Variants in SLC39A10 observed in about 807,000 individuals in gnomAD.
SLC39A10 encodes the protein zinc transporter ZIP10.
SLC39A10 carries 13 observed loss-of-function variants against 65.1 expected under a neutral mutation model. That is an observed-to-expected ratio of 0.20 (90% CI 0.13 to 0.32). SLC39A10 has a LOEUF of 0.32. Among genes scored for constraint, SLC39A10 ranks in the 10% least tolerant of loss-of-function variants. The probability of loss-of-function intolerance (pLI) is 1.00; values close to 1 mark genes in which losing one functional copy is unlikely to be tolerated. For missense variants in SLC39A10, 831 were observed against 1,018.4 expected (o/e 0.82, Z 2.50); for synonymous variants, 321 against 342.2 (o/e 0.94, Z 0.68).
intron 5 of SLC39A10, among the ~76,000 whole-genome samples, chr2:195,711,415 G>C (rs1188298191): frequency 6.6e-6 from 1 of 152,100 alleles, no homozygotes; most frequent in Non-Finnish European, 1.5e-5. Context: ...TTGAAATTGT[G>C]GGAAGTAAAA....
At chr2:195,651,581 T>C (rs1199105745) in intron 2 of SLC39A10, among the ~76,000 whole-genome samples, 2 of 152,106 alleles carry the variant, frequency 1.3e-5, no homozygotes, top group African/African-American at 2.4e-5. Context: ...ATCAAGCGAT[T>C]CTCCTGCTTC....
intron 4 of SLC39A10, among the ~76,000 whole-genome samples, chr2:195,707,057 T>A (rs1403304559): frequency 6.6e-6 from 1 of 152,200 alleles, no homozygotes; most frequent in Non-Finnish European, 1.5e-5. Context: ...TGGTCTTTTT[T>A]ATCTGTGTAG....
At chr2:195,667,843 T>C (rs1689693353) in intron 1 of SLC39A10, among the ~76,000 whole-genome samples, 1 of 152,180 alleles carries the variant, frequency 6.6e-6, no homozygotes, top group African/African-American at 2.4e-5. Context: ...AGAACTCAAT[T>C]TATATTATTA....
At position 195,735,727 on chromosome 2, in the gene SLC39A10, T is replaced by C. The variant is rs1044428036; in HGVS notation, c.*686T>C. ...GAGCTTCAGTTTAATGAAAGATTCA[T>C]AATGGTTCTTTGTATTATTATAATA... On this transcript the variant is annotated 3_prime_UTR_variant, in exon 10 of 10. Transcript: ENST00000359634. The C allele has an allele frequency of 6.6e-6, 1 of 152,560 alleles. No individual in the cohort carries two copies. The highest frequency in any genetic ancestry group is 2.4e-5 in the African/African-American group (1 of 41,430). 9.5% of individuals were successfully genotyped at this position (152,560 alleles called of 1,614,324 possible). A position where few individuals can be genotyped will look rare whatever the true frequency, so the allele number is the denominator to read the frequency against.
chr2:195,668,125 TTC>T (rs1175812642), intron 1 of SLC39A10, among the ~76,000 whole-genome samples: 1 of 152,206 alleles, frequency 6.6e-6, no homozygotes, highest in Non-Finnish European at 1.5e-5. Flanking sequence ...GCCTCACTGC[TTC>T]TCTGTTACTC....
chr2:195,698,161 G>A (rs1453983038), intron 3 of SLC39A10, among the ~76,000 whole-genome samples: 1 of 152,042 alleles, frequency 6.6e-6, no homozygotes, highest in East Asian at 1.9e-4. Flanking sequence ...AAAAGTGAGA[G>A]TTTATTAGAG....
chr2:195,617,916 T>C (rs1688259123), intron 2 of SLC39A10, among the ~76,000 whole-genome samples: 1 of 150,696 alleles, frequency 6.6e-6, no homozygotes, highest in South Asian at 2.1e-4. Context: ...ATTTTTTGTA[T>C]TTTTAGTAGA....
chr2:195,614,350 A>G (rs1238996785), intron 2 of SLC39A10, among the ~76,000 whole-genome samples: 1 of 152,210 alleles, frequency 6.6e-6, no homozygotes, highest in Non-Finnish European at 1.5e-5. Flanking sequence ...GGCTTTAAAA[A>G]TATTGAGTGA....
intron 5 of SLC39A10, among the ~76,000 whole-genome samples, chr2:195,712,988 C>CA (rs1254635236): frequency 6.6e-6 from 1 of 152,130 alleles, no homozygotes; most frequent in Non-Finnish European, 1.5e-5. Flanking sequence ...ATGGAAACTA[C>CA]AAACTTAAGA....
chr2:195,689,504 A>G (rs1690648252), intron 3 of SLC39A10, among the ~76,000 whole-genome samples: 1 of 152,180 alleles, frequency 6.6e-6, no homozygotes, highest in Non-Finnish European at 1.5e-5. Flanking sequence ...GTAAAATTAT[A>G]TAACATAAAA....
intron 2 of SLC39A10, among the ~76,000 whole-genome samples, chr2:195,644,680 C>G (rs568276514): frequency 6.6e-6 from 1 of 151,688 alleles, no homozygotes; most frequent in Non-Finnish European, 1.5e-5. Flanking sequence ...TGACACTGAC[C>G]TGTAGTCCCA....
chr2:195,713,588 TC>T, intron 6 of SLC39A10, 35 bp downstream of exon 6: 1 of 1,549,068 alleles, frequency 6.5e-7, no homozygotes, highest in Non-Finnish European at 8.6e-7. Context: ...CAAACTTTTT[TC>T]TTTTTTTTTT....
chr2:195,710,844 G>T (rs1191726077), intron 5 of SLC39A10, among the ~76,000 whole-genome samples: 1 of 152,146 alleles, frequency 6.6e-6, no homozygotes, highest in Non-Finnish European at 1.5e-5. Flanking sequence ...GGAAGGTGAA[G>T]TAATTAATTC....
intron 2 of SLC39A10, among the ~76,000 whole-genome samples, chr2:195,649,911 C>T (rs1387851832): frequency 6.6e-6 from 1 of 152,130 alleles, no homozygotes; most frequent in Non-Finnish European, 1.5e-5. Flanking sequence ...TCTTCTTTCC[C>T]TTTGTACCAC....
intron 2 of SLC39A10, among the ~76,000 whole-genome samples, chr2:195,639,775 C>T (rs1688768226): frequency 6.6e-6 from 1 of 152,092 alleles, no homozygotes; most frequent in Admixed American, 6.6e-5. Flanking sequence ...CGGGTTTCGC[C>T]ATATTGCCCA....
intron 2 of SLC39A10, among the ~76,000 whole-genome samples, chr2:195,644,890 C>CT (rs371671177): frequency 7.2e-6 from 1 of 138,144 alleles, no homozygotes; most frequent in East Asian, 2.8e-4. Flanking sequence ...AATCTAACTA[C>CT]TTTATTTATT....
In SLC39A10 at chr2:195,716,830, C is replaced by T. The variant is rs147240607; in HGVS notation, c.1890C>T (p.Gly630=). The part of the protein sequence containing the change: ...DLHAAAHNHH[G]ENKTVLRKHN... ...ATGCTGCTGCACATAACCACCACGG[C>T]GAGAACAAAACTGTGCTGAGGAAGC... Residue 630 remains glycine (G), a synonymous_variant, in exon 7 of 10, where the codon GGC becomes GGT. Transcript: ENST00000359634. 323 of 1,614,120 alleles carry T rather than the reference C, an allele frequency of 2.0e-4. 1 individual carries two copies. The African/African-American group carries it at 3.8e-3, about 19-fold the overall frequency.
intron 3 of SLC39A10, among the ~76,000 whole-genome samples, chr2:195,687,847 C>T (rs1231297704): frequency 1.3e-5 from 2 of 152,166 alleles, no homozygotes; most frequent in Non-Finnish European, 2.9e-5. Flanking sequence ...CTAGAGTTGA[C>T]CCTAGCTTAA....
At chr2:195,643,250 T>G (rs1174167183) in intron 2 of SLC39A10, among the ~76,000 whole-genome samples, 4 of 152,204 alleles carry the variant, frequency 2.6e-5, no homozygotes, top group Non-Finnish European at 5.9e-5. Flanking sequence ...CTAGCAGGAA[T>G]GGAAGCCCAG....
Sources: gnomAD v4.1 joint callset for allele counts (sites outside exome capture counted in the v4.1 genomes callset) on GRCh38, gnomAD v4.1.1 for gene constraint, MANE v1.5 for transcripts, NCBI Gene and HGNC (gene_info 2026-07-23, HGNC 2026-07-21) for gene names.